The following ST6GAL1 variants were observed in gnomAD, a reference collection of about 807,000 sequenced individuals.
ST6GAL1 encodes the protein beta-galactoside alpha-2,6-sialyltransferase 1.
A neutral mutation model predicts 38.0 loss-of-function variants in ST6GAL1; 20 were observed. The ratio of observed to expected loss-of-function variants is 0.53; its 90% CI spans 0.37 to 0.77. ST6GAL1 has a LOEUF of 0.77. Ranked by LOEUF, ST6GAL1 falls within the 30% of genes least tolerant of loss-of-function variation. The pLI is 0.00. For synonymous variants in ST6GAL1, 196 were observed against 188.2 expected, an observed-to-expected ratio of 1.04 and a Z score of -0.34; for missense variants, 432 against 496.4, an observed-to-expected ratio of 0.87 and a Z score of 1.23.
At chr3:186,932,324 T>G (rs570746709) in intron 1 of ST6GAL1, among the ~76,000 whole-genome samples, 1 of 152,086 alleles carries the variant, frequency 6.6e-6, no homozygotes, top group African/African-American at 2.4e-5. Flanking sequence ...GTCTCCCAAC[T>G]CCCACTGCAT....
At chr3:187,002,907 A>C (rs2108553830) in intron 2 of ST6GAL1, among the ~76,000 whole-genome samples, 1 of 152,384 alleles carries the variant, frequency 6.6e-6, no homozygotes, top group East Asian at 1.9e-4. Flanking sequence ...AGCAAGTTTA[A>C]TTAAAGATAG....
chr3:186,938,693 G>A (rs1469719305), intron 1 of ST6GAL1, among the ~76,000 whole-genome samples: 1 of 152,142 alleles, frequency 6.6e-6, no homozygotes, highest in Non-Finnish European at 1.5e-5. Flanking sequence ...AGAATAAAAG[G>A]TCTTTTTTAT....
At chr3:186,943,616 A>AT (rs200188522) in intron 1 of ST6GAL1, among the ~76,000 whole-genome samples, 5,703 of 151,928 alleles carry the variant, frequency 0.038, 167 homozygotes, top group East Asian at 0.078. Context: ...TGCCTGGCTA[A>AT]TTTTTGTATT....
At chr3:186,995,515 ATAATAATAAAAT>A (rs1159140982) in intron 2 of ST6GAL1, among the ~76,000 whole-genome samples, 36 of 124,104 alleles carry the variant, frequency 2.9e-4, no homozygotes, top group Admixed American at 5.1e-4. Context: ...CAAAAAAAAA[ATAATAATAAAAT>A]AAAAAAAAAA....
intron 2 of ST6GAL1, among the ~76,000 whole-genome samples, chr3:186,966,356 T>C (rs1715115909): frequency 6.6e-6 from 1 of 152,248 alleles, no homozygotes; most frequent in Non-Finnish European, 1.5e-5. Context: ...ACAAGGTATC[T>C]ATCCCATGTC....
intron 2 of ST6GAL1, among the ~76,000 whole-genome samples, chr3:186,974,366 A>T (rs1223555688): frequency 6.6e-6 from 1 of 152,036 alleles, no homozygotes; most frequent in African/African-American, 2.4e-5. Context: ...TCTGTTGTTT[A>T]TTTTTGGGTT....
chr3:187,051,790 C>G (rs1269891380), intron 5 of ST6GAL1, among the ~76,000 whole-genome samples: 1 of 152,112 alleles, frequency 6.6e-6, no homozygotes, highest in African/African-American at 2.4e-5. Flanking sequence ...TAATATGGCA[C>G]TAGAATTCAT....
intron 2 of ST6GAL1, among the ~76,000 whole-genome samples, chr3:187,023,908 A>G (rs1173790863): frequency 2.0e-5 from 3 of 151,232 alleles, no homozygotes; most frequent in Non-Finnish European, 4.4e-5. Flanking sequence ...AAAAAAAAGA[A>G]TGAACCTATC....
chr3:187,065,516 A>G (rs1425382408), intron 5 of ST6GAL1, among the ~76,000 whole-genome samples: 1 of 152,182 alleles, frequency 6.6e-6, no homozygotes, highest in Non-Finnish European at 1.5e-5. Flanking sequence ...AACAGGAAAA[A>G]TGATATATGT....
chr3:187,032,272 C>A (rs868778032), intron 2 of ST6GAL1, among the ~76,000 whole-genome samples: 1 of 152,122 alleles, frequency 6.6e-6, no homozygotes, highest in Non-Finnish European at 1.5e-5. Context: ...GATTGATGTA[C>A]TTTTCTGTTG....
At chr3:187,074,468 A>C in intron 7 of ST6GAL1, 135 bp downstream of exon 7, 1 of 954,924 alleles carries the variant, frequency 1.0e-6, no homozygotes, top group Non-Finnish European at 1.5e-6. Flanking sequence ...CTGCTTGTAG[A>C]CCATGCCAAG....
At chr3:186,993,098 A>G (rs1458668709) in intron 2 of ST6GAL1, among the ~76,000 whole-genome samples, 1 of 151,536 alleles carries the variant, frequency 6.6e-6, no homozygotes, top group Non-Finnish European at 1.5e-5. Flanking sequence ...CTCTGACTTG[A>G]GTGTTTGTGT....
chr3:186,967,625 G>GAA (rs1715192902), intron 2 of ST6GAL1, among the ~76,000 whole-genome samples: 1 of 152,198 alleles, frequency 6.6e-6, no homozygotes, highest in African/African-American at 2.4e-5. Context: ...CAGAGGGAGT[G>GAA]ATTTGGGGAG....
rs116392023 is a variant in ST6GAL1 at position 186,938,848 on chromosome 3, C to T, written c.-325+8014C>T. 6.1e-3 allele frequency among the ~76,000 whole-genome samples: 923 copies of T among 152,278 alleles called. 4 individuals carry two copies. The highest frequency in any genetic ancestry group is 0.021 in the African/African-American group (876 of 41,552). On this transcript the variant is annotated intron_variant, in intron 1 of 7. Transcript: ENST00000169298. ...AGATTACGTGCAAGTACATCCCAGA[C>T]ATCTTATCAGCCGAGCCATAGCTAT...
chr3:187,017,400 A>T (rs930178968), intron 2 of ST6GAL1, among the ~76,000 whole-genome samples: 3 of 149,272 alleles, frequency 2.0e-5, no homozygotes, highest in African/African-American at 7.3e-5. Context: ...GGTGATATTA[A>T]TGCCCAGGTA....
chr3:186,980,115 A>T (rs1373780723), intron 2 of ST6GAL1, among the ~76,000 whole-genome samples: 1 of 152,184 alleles, frequency 6.6e-6, no homozygotes, highest in Non-Finnish European at 1.5e-5. Flanking sequence ...ATGGATCCTG[A>T]TATGTCACAC....
chr3:186,936,579 A>G (rs1713961144), intron 1 of ST6GAL1, among the ~76,000 whole-genome samples: 1 of 152,218 alleles, frequency 6.6e-6, no homozygotes, highest in Admixed American at 6.5e-5. Flanking sequence ...TAATTATTAC[A>G]CCAGAAAGGT....
At chr3:186,933,620 C>A (rs151072719) in intron 1 of ST6GAL1, among the ~76,000 whole-genome samples, 1 of 152,198 alleles carries the variant, frequency 6.6e-6, no homozygotes, top group Non-Finnish European at 1.5e-5. Flanking sequence ...TAAGGAACTT[C>A]AGAAATCATG....
Position 187,075,115 on chromosome 3 carries a change from A to G in ST6GAL1, c.980-447A>G, listed in dbSNP as rs1719517637. On this transcript the variant is annotated intron_variant, in intron 7 of 7. Transcript: ENST00000169298. This position sits in a 1 kb window ranked among gnomAD's most constrained non-coding sequence, Gnocchi z 4.1. ...TGTTTCATGCAAATGCTATAAGGAA[A>G]AATCTGCTCCCAAATAGCACCATCC... Among the ~76,000 whole-genome samples, 1 of 152,156 alleles carries G rather than the reference A, an allele frequency of 6.6e-6. No individual in the cohort carries two copies. The highest frequency in any genetic ancestry group is 1.5e-5 in the Non-Finnish European group (1 of 68,026).
Sources: gnomAD v4.1 joint callset for allele counts (sites outside exome capture counted in the v4.1 genomes callset) on GRCh38, gnomAD v4.1.1 for gene constraint, Gnocchi (gnomAD v3.1) non-coding constraint, MANE v1.5 for transcripts, NCBI Gene and HGNC (gene_info 2026-07-23, HGNC 2026-07-21) for gene names.